The following MPPED2 variants were observed in gnomAD, a reference collection of about 807,000 sequenced individuals.
MPPED2 encodes the protein metallophosphoesterase MPPED2.
In MPPED2, 5 loss-of-function variants were observed where a neutral mutation model predicts 33.0. The observed-to-expected ratio is 0.15, with a 90% CI of 0.08 to 0.32. The LOEUF is 0.32. MPPED2 is among the 10% of genes least tolerant of loss of function. The pLI, the probability that MPPED2 is intolerant of heterozygous loss-of-function variation, is 1.00. For missense variants in MPPED2, 275 were observed against 372.1 expected, an observed-to-expected ratio of 0.74 and a Z score of 2.15; for synonymous variants, 136 against 141.9, an observed-to-expected ratio of 0.96 and a Z score of 0.29.
chr11:30,392,348 G>C (rs972951684), intron 6 of MPPED2, among the ~76,000 whole-genome samples: 5 of 152,146 alleles, frequency 3.3e-5, no homozygotes, highest in African/African-American at 9.7e-5. Flanking sequence ...CCCTGAACAG[G>C]CTGCTTACCC....
chr11:30,555,285 C>T (rs1955912576), intron 2 of MPPED2, among the ~76,000 whole-genome samples: 1 of 152,074 alleles, frequency 6.6e-6, no homozygotes, highest in Admixed American at 6.6e-5. Flanking sequence ...ATTTGTGGCA[C>T]CAGAAAGCAG....
At chr11:30,563,038 A>G (rs1482033841) in intron 2 of MPPED2, among the ~76,000 whole-genome samples, 1 of 152,096 alleles carries the variant, frequency 6.6e-6, no homozygotes. Context: ...TGTACTATGC[A>G]TTGGGGATAA....
At chr11:30,514,434 C>T (rs1400450187) in intron 3 of MPPED2, among the ~76,000 whole-genome samples, 1 of 152,120 alleles carries the variant, frequency 6.6e-6, no homozygotes, top group Non-Finnish European at 1.5e-5. Flanking sequence ...AAGAGGAATA[C>T]TGAAAGAACC....
At chr11:30,511,811 T>C (rs999935491) in intron 3 of MPPED2, among the ~76,000 whole-genome samples, 13 of 152,204 alleles carry the variant, frequency 8.5e-5, no homozygotes, top group African/African-American at 3.1e-4. Flanking sequence ...AATATTTAAT[T>C]TTCTACCTTC....
intron 4 of MPPED2, among the ~76,000 whole-genome samples, chr11:30,446,856 C>G (rs551329900): frequency 6.6e-6 from 1 of 152,290 alleles, no homozygotes; most frequent in African/African-American, 2.4e-5. Flanking sequence ...GTCCAAGTTA[C>G]CGATTTCTCT....
In MPPED2 at chr11:30,516,623, C is replaced by G. The variant is rs368699559; in HGVS notation, c.310+19371G>C. ...ACCCCCCAGTATGGGTAATTGCCAT[C>G]AGATGTGGGTCTGTCAGTCTTGCAT... On this transcript the variant is annotated intron_variant, in intron 3 of 6. Transcript: ENST00000358117. 2.6e-5 allele frequency among the ~76,000 whole-genome samples: 4 copies of G among 152,226 alleles called. No homozygotes were observed. The South Asian group carries it at 6.2e-4, about 24-fold the overall frequency.
intron 2 of MPPED2, among the ~76,000 whole-genome samples, chr11:30,568,671 G>A (rs1384246729): frequency 1.3e-5 from 2 of 152,120 alleles, no homozygotes; most frequent in African/African-American, 2.4e-5. Context: ...AAGGGAACAG[G>A]CCCTAGCATA....
intron 3 of MPPED2, among the ~76,000 whole-genome samples, chr11:30,502,904 G>C (rs980589877): frequency 6.6e-6 from 1 of 152,188 alleles, no homozygotes; most frequent in African/African-American, 2.4e-5. Flanking sequence ...CAGGTTTTCT[G>C]CTATAAATCA....
At chr11:30,568,384 C>A (rs891616991) in intron 2 of MPPED2, among the ~76,000 whole-genome samples, 3 of 152,162 alleles carry the variant, frequency 2.0e-5, no homozygotes, top group Admixed American at 1.3e-4. Flanking sequence ...CCCTCTCTCT[C>A]TCTTTCATGT....
intron 3 of MPPED2, among the ~76,000 whole-genome samples, chr11:30,507,031 G>T (rs960921514): frequency 5.3e-5 from 8 of 152,180 alleles, no homozygotes; most frequent in Admixed American, 3.9e-4. Context: ...CTAAAATATA[G>T]AAATGAACCC....
chr11:30,455,110 T>A (rs1344531269), intron 4 of MPPED2, among the ~76,000 whole-genome samples: 1 of 152,252 alleles, frequency 6.6e-6, no homozygotes, highest in Non-Finnish European at 1.5e-5. Flanking sequence ...ACATTCTGTC[T>A]AAATGAAATT....
intron 2 of MPPED2, among the ~76,000 whole-genome samples, chr11:30,563,415 C>A (rs956420180): frequency 6.6e-6 from 1 of 152,172 alleles, no homozygotes; most frequent in Admixed American, 6.6e-5. Flanking sequence ...GCTGATCTGA[C>A]AGGAGGTGGA....
At chr11:30,471,578 A>C (rs1444447732) in intron 4 of MPPED2, among the ~76,000 whole-genome samples, 1 of 152,188 alleles carries the variant, frequency 6.6e-6, no homozygotes, top group Admixed American at 6.5e-5. Context: ...CTGTCTCCCA[A>C]GTCATCTTAC....
chr11:30,551,157 A>G (rs931064429), intron 2 of MPPED2, among the ~76,000 whole-genome samples: 17 of 152,168 alleles, frequency 1.1e-4, no homozygotes, highest in Non-Finnish European at 1.5e-5. Flanking sequence ...TCCACACTCT[A>G]TACTTCCTAA....
rs545742140 is a variant in MPPED2 at position 30,506,100 on chromosome 11, C to T, written c.311-10579G>A. 5.3e-5 allele frequency among the ~76,000 whole-genome samples: 8 copies of T among 152,094 alleles called. No homozygotes were observed. The East Asian group carries it at 7.7e-4, about 15-fold the overall frequency. ...TCACCCGGGTGAGAGTGCAGTGGCGCGATTTCAGTTCACTGCAACCTCCGC... is the reference window on the plus strand; with the variant it reads ...TCACCCGGGTGAGAGTGCAGTGGCGTGATTTCAGTTCACTGCAACCTCCGC... On this transcript the variant is annotated intron_variant, in intron 3 of 6. Coordinates refer to ENST00000358117, the MANE Select transcript of MPPED2 (RefSeq NM_001584.3).
At chr11:30,514,170 G>A (rs1323654586) in intron 3 of MPPED2, among the ~76,000 whole-genome samples, 1 of 152,180 alleles carries the variant, frequency 6.6e-6, no homozygotes, top group Non-Finnish European at 1.5e-5. Context: ...ACCCAGGTGA[G>A]GGTATCTTGA....
chr11:30,386,578 A>C (rs1360489676), exon 7 of MPPED2: 1 of 396,474 alleles, frequency 2.5e-6, no homozygotes, highest in Non-Finnish European at 4.4e-6. Context: ...TTATGGCAGC[A>C]AAAACAGACT....
downstream of MPPED2, chr11:30,410,051 T>A: frequency 1.0e-6 from 1 of 957,780 alleles, no homozygotes; most frequent in African/African-American, 1.8e-5. Flanking sequence ...GCCTTATCGA[T>A]CTATCTGCCA....
rs115912594 is a variant in MPPED2, at chr11:30,462,858, A to G, written c.536+32438T>C. ...CATCTGGTATTTATTTGATGAATGG[A>G]AAGTTTAACAAGATGTTTTAAAAGG... On this transcript the variant is annotated intron_variant, in intron 4 of 6. Transcript: ENST00000358117. 4.2e-3 allele frequency among the ~76,000 whole-genome samples: 640 copies of G among 152,376 alleles called. 5 individuals are homozygous for G. Among genetic ancestry groups the G allele is most frequent in the African/African-American group, 0.015 (619 of 41,588 alleles).
Sources: gnomAD v4.1 joint callset for allele counts (sites outside exome capture counted in the v4.1 genomes callset) on GRCh38, gnomAD v4.1.1 for gene constraint, MANE v1.5 for transcripts, NCBI Gene and HGNC (gene_info 2026-07-23, HGNC 2026-07-21) for gene names.